Variants in KDM4C observed in about 807,000 individuals in gnomAD.
The protein encoded by KDM4C is lysine demethylase 4C.
A neutral mutation model predicts 129.3 loss-of-function variants in KDM4C; 81 were observed. The ratio of observed to expected loss-of-function variants is 0.63; its 90% CI spans 0.52 to 0.75. The LOEUF is 0.75. Among genes scored for constraint, KDM4C ranks in the 30% least tolerant of loss-of-function variants. The pLI is 0.00. For synonymous variants in KDM4C, 573 were observed against 456.1 expected (o/e 1.26, Z -3.26); for missense variants, 1,457 against 1,304.0 (o/e 1.12, Z -1.81).
chr9:6,834,732 A>C (rs1438186103), intron 4 of KDM4C: 9 of 953,780 alleles, frequency 9.4e-6, no homozygotes, highest in Non-Finnish European at 1.6e-5. Flanking sequence ...TTCTAAAGGG[A>C]GCTGCATGTG....
chr9:6,828,935 C>T (rs773853373), intron 4 of KDM4C, among the ~76,000 whole-genome samples: 5 of 152,216 alleles, frequency 3.3e-5, no homozygotes, highest in Non-Finnish European at 7.3e-5. Flanking sequence ...TTTCACTCTT[C>T]TCTTTACCTC....
chr9:6,814,620 A>T lies in KDM4C; in HGVS notation c.321-11A>T, dbSNP rs770548287. 3.3e-6 allele frequency: 5 copies of T among 1,534,030 alleles called. No individual in the cohort carries two copies. In the East Asian group the frequency reaches 9.1e-5, roughly 28 times the overall value. On this transcript the variant is annotated splice_polypyrimidine_tract_variant and intron_variant, in intron 3 of 21. Transcript: ENST00000381309. ...ACTGGTTTGTACATTTTTGTCATCTACCTTTTACAGATATTGTACTCCAAG... is the reference window on the plus strand; with the variant it reads ...ACTGGTTTGTACATTTTTGTCATCTTCCTTTTACAGATATTGTACTCCAAG...
In KDM4C at chr9:6,829,553, A is replaced by G. The variant is rs57498143; in HGVS notation, c.435+14808A>G. 9.5e-3 allele frequency among the ~76,000 whole-genome samples: 1,442 copies of G among 152,364 alleles called. 18 individuals carry two copies. The highest frequency in any genetic ancestry group is 0.032 in the African/African-American group (1,335 of 41,580). ...GGTATAATAGTCAACACATTGATAG[A>G]TAAGGAAGCTCAGACTGAATGTTAG... is the stretch of plus-strand genomic sequence containing the variant. On this transcript the variant is annotated intron_variant, in intron 4 of 21. Transcript: ENST00000381309.
chr9:7,015,545 G>A (rs4742282), intron 14 of KDM4C, among the ~76,000 whole-genome samples: 93,052 of 151,914 alleles, frequency 0.61, 28,770 homozygotes, highest in Non-Finnish European at 0.66. Context: ...TATTATTTTT[G>A]ACATTTCCTT....
intron 1 of KDM4C, among the ~76,000 whole-genome samples, chr9:6,737,527 G>T (rs1817561753): frequency 6.6e-6 from 1 of 151,664 alleles, no homozygotes; most frequent in African/African-American, 2.4e-5. Flanking sequence ...AGCTGGGCAT[G>T]GTGGCAGGCA....
At chr9:7,087,543 A>G in intron 17 of KDM4C, among the ~76,000 whole-genome samples, 1 of 152,326 alleles carries the variant, frequency 6.6e-6, no homozygotes, top group East Asian at 1.9e-4. Context: ...TTTTTTAAAA[A>G]AATTAAACTT....
intron 17 of KDM4C, among the ~76,000 whole-genome samples, chr9:7,103,061 A>T (rs1837282562): frequency 1.3e-5 from 2 of 152,222 alleles, no homozygotes. Context: ...CAACCAAATT[A>T]TGCCCTTTGG....
intron 15 of KDM4C, among the ~76,000 whole-genome samples, chr9:7,021,553 T>A (rs1345942304): frequency 6.6e-6 from 1 of 152,244 alleles, no homozygotes; most frequent in African/African-American, 2.4e-5. Context: ...TTTTATATTC[T>A]AGTTATTACT....
chr9:7,002,710 T>G (rs1820948430), intron 12 of KDM4C, among the ~76,000 whole-genome samples: 1 of 152,180 alleles, frequency 6.6e-6, no homozygotes, highest in Admixed American at 6.5e-5. Context: ...TAGTAACCAT[T>G]ACTTATAATT....
chr9:6,803,899 G>T (rs192447618), intron 2 of KDM4C, among the ~76,000 whole-genome samples: 1 of 152,078 alleles, frequency 6.6e-6, no homozygotes, highest in Admixed American at 6.6e-5. Flanking sequence ...TTGGCTCACT[G>T]CAGCCTCCAC....
intron 1 of KDM4C, among the ~76,000 whole-genome samples, chr9:6,735,998 C>T (rs1039532136): frequency 6.6e-6 from 1 of 152,084 alleles, no homozygotes; most frequent in African/African-American, 2.4e-5. Flanking sequence ...GCGGAACTTG[C>T]TGGGAACTGG....
chr9:6,728,691 C>T (rs539296104), intron 1 of KDM4C, among the ~76,000 whole-genome samples: 8 of 150,126 alleles, frequency 5.3e-5, no homozygotes, highest in Non-Finnish European at 8.9e-5. Flanking sequence ...CTAAAAATTA[C>T]AAAAATTAGC....
chr9:7,096,329 G>A lies in KDM4C; in HGVS notation c.2425-7356G>A, dbSNP rs149605011. ...TTGTAAATGCTGCTTTTATGTGTGC[G>A]TTTTCTGCACAGCACAGGTAGTTAA... On this transcript the variant is annotated intron_variant, in intron 17 of 21. Transcript: ENST00000381309. Among the ~76,000 whole-genome samples, 46 of 152,244 alleles carry A rather than the reference G, an allele frequency of 3.0e-4. No individual in the cohort carries two copies. The East Asian group carries it at 4.8e-3, about 16-fold the overall frequency.
chr9:6,963,367 C>T (rs1345144713), intron 8 of KDM4C, among the ~76,000 whole-genome samples: 1 of 152,182 alleles, frequency 6.6e-6, no homozygotes, highest in Non-Finnish European at 1.5e-5. Flanking sequence ...TTGGGAGTTG[C>T]AGTGATGCAG....
chr9:6,775,191 A>G (rs758124516), intron 1 of KDM4C, among the ~76,000 whole-genome samples: 2 of 151,630 alleles, frequency 1.3e-5, no homozygotes, highest in Admixed American at 6.6e-5. Flanking sequence ...GAATTTTTGT[A>G]TTTTTAGTAG....
intron 1 of KDM4C, among the ~76,000 whole-genome samples, chr9:6,785,431 G>A (rs545842100): frequency 7.2e-4 from 109 of 152,178 alleles, no homozygotes; most frequent in South Asian, 6.8e-3. Context: ...CTGCCTCCCG[G>A]GTTCAAGCGA....
intron 5 of KDM4C, among the ~76,000 whole-genome samples, chr9:6,867,320 G>C (rs919653591): frequency 6.6e-6 from 1 of 152,110 alleles, no homozygotes; most frequent in African/African-American, 2.4e-5. Context: ...GGCCAGTGCT[G>C]CATATTTGTT....
At chr9:6,803,148 C>T (rs1019141320) in intron 2 of KDM4C, among the ~76,000 whole-genome samples, 35 of 152,152 alleles carry the variant, frequency 2.3e-4, no homozygotes, top group African/African-American at 8.4e-4. Flanking sequence ...CTGTATCGTG[C>T]CAGCAATATC....
At position 6,737,991 on chromosome 9, in the gene KDM4C, G is replaced by C. The variant is rs890450779; in HGVS notation, c.49+16994G>C. On this transcript the variant is annotated intron_variant, in intron 1 of 17. Transcript: ENST00000536108. ...CTACTAAAAATACCAACAATTTGCT[G>C]GGCATGGTGGCAGGTGCCTGTAATT... is the stretch of plus-strand genomic sequence containing the variant. Among the ~76,000 whole-genome samples the C allele has an allele frequency of 6.6e-5, 10 of 151,640 alleles. No homozygotes were observed. In the South Asian group the frequency reaches 8.3e-4, roughly 13 times the overall value.
Sources: gnomAD v4.1 joint callset for allele counts (sites outside exome capture counted in the v4.1 genomes callset) on GRCh38, gnomAD v4.1.1 for gene constraint, MANE v1.5 for transcripts, NCBI Gene and HGNC (gene_info 2026-07-23, HGNC 2026-07-21) for gene names.